FHL2: variants seen among roughly 807,000 people sequenced by gnomAD.
The protein encoded by FHL2 is four and a half LIM domains protein 2.
A neutral mutation model predicts 32.7 loss-of-function variants in FHL2; 20 were observed. That is an observed-to-expected ratio of 0.61 (90% CI 0.43 to 0.89). FHL2 has a LOEUF of 0.89. FHL2 is among the 40% of genes least tolerant of loss of function. The probability of loss-of-function intolerance (pLI) is 0.00; values close to 1 mark genes in which losing one functional copy is unlikely to be tolerated. For missense variants in FHL2, 311 were observed against 358.6 expected (o/e 0.87, Z 1.07); for synonymous variants, 123 against 128.1 (o/e 0.96, Z 0.27).
intron 3 of FHL2, among the ~76,000 whole-genome samples, chr2:105,378,994 A>G (rs1396163574): frequency 2.0e-5 from 3 of 152,130 alleles, no homozygotes; most frequent in Non-Finnish European, 4.4e-5. Context: ...CACAGTCCAC[A>G]TCTCTTGTAT....
chr2:105,427,657 C>T (rs1684306520), intron 1 of FHL2, among the ~76,000 whole-genome samples: 2 of 152,266 alleles, frequency 1.3e-5, no homozygotes, highest in South Asian at 4.1e-4. Flanking sequence ...TTCAGCATTT[C>T]TTGTCTTGCA....
At chr2:105,390,916 C>T (rs1005687253) in intron 2 of FHL2, among the ~76,000 whole-genome samples, 2 of 151,840 alleles carry the variant, frequency 1.3e-5, no homozygotes, top group African/African-American at 4.8e-5. Context: ...CCTGCCTCAG[C>T]CTCCTGGGTT....
intron 1 of FHL2, among the ~76,000 whole-genome samples, chr2:105,423,165 T>A (rs1684156824): frequency 6.6e-6 from 1 of 152,178 alleles, no homozygotes; most frequent in Non-Finnish European, 1.5e-5. Context: ...TAGTACAGAA[T>A]GGAGGCTGTC....
intron 1 of FHL2, among the ~76,000 whole-genome samples, chr2:105,405,208 T>C (rs947926668): frequency 6.6e-6 from 1 of 152,254 alleles, no homozygotes; most frequent in South Asian, 2.1e-4. Flanking sequence ...TCTGCCTGCC[T>C]TCTCTTAGAG....
chr2:105,399,900 G>A (rs1366913922), upstream of FHL2, among the ~76,000 whole-genome samples: 1 of 152,174 alleles, frequency 6.6e-6, no homozygotes, highest in East Asian at 1.9e-4. Flanking sequence ...TCGGCACTTT[G>A]GGGGCAGGTG....
Position 105,408,175 on chromosome 2 carries a change from C to G in FHL2, c.-24-21635G>C, listed in dbSNP as rs183106849. On this transcript the variant is annotated intron_variant, in intron 1 of 5. Transcript: ENST00000393352. ...ACAGTTGCAGTGTGCTTTTGCTAGG[C>G]AGCCGGCAGAGATGGCCCACATATG... Among the ~76,000 whole-genome samples the G allele has an allele frequency of 2.0e-4, 30 of 152,294 alleles. No individual in the cohort carries two copies. In the East Asian group the frequency reaches 5.2e-3, roughly 27 times the overall value.
chr2:105,413,298 C>T (rs1683848117), intron 1 of FHL2, among the ~76,000 whole-genome samples: 1 of 152,118 alleles, frequency 6.6e-6, no homozygotes, highest in African/African-American at 2.4e-5. Context: ...GAAAAATTTC[C>T]AAAATCAAGA....
chr2:105,398,747 C>G (rs919087085), intron 1 of FHL2, 95 bp downstream of exon 1: 1 of 1,085,882 alleles, frequency 9.2e-7, no homozygotes, highest in South Asian at 2.4e-5. Flanking sequence ...GGGTCTACCC[C>G]ACAGCTCAAC....
chr2:105,401,668 G>C (rs1435360890), upstream of FHL2, among the ~76,000 whole-genome samples: 1 of 152,140 alleles, frequency 6.6e-6, no homozygotes, highest in Admixed American at 6.6e-5. Flanking sequence ...GTTAAATACA[G>C]TATGGTGCAT....
At chr2:105,431,922 T>G (rs932441304) in intron 1 of FHL2, among the ~76,000 whole-genome samples, 3 of 152,186 alleles carry the variant, frequency 2.0e-5, no homozygotes, top group Non-Finnish European at 2.9e-5. Flanking sequence ...CCGGAGCTCA[T>G]CAGCAGCCAG....
chr2:105,395,600 A>G (rs71417352), intron 2 of FHL2, among the ~76,000 whole-genome samples: 22,814 of 152,168 alleles, frequency 0.15, 2,124 homozygotes, highest in South Asian at 0.22. Flanking sequence ...CTGTCCCGAG[A>G]GGCTTGCACA....
chr2:105,427,520 C>T (rs929200903), intron 1 of FHL2, among the ~76,000 whole-genome samples: 1 of 152,076 alleles, frequency 6.6e-6, no homozygotes, highest in Non-Finnish European at 1.5e-5. Context: ...AAGTGAGCTC[C>T]GGGGCTTGGG....
rs146730795 is a variant in FHL2 at position 105,370,698 on chromosome 2, A to C, written c.331+2861T>G. 4.5e-3 allele frequency among the ~76,000 whole-genome samples: 688 copies of C among 152,286 alleles called. 7 individuals are homozygous for C. Among genetic ancestry groups the C allele is most frequent in the African/African-American group, 0.016 (657 of 41,556 alleles). ...TGAATGGGTTCTAACACTTTTAAAA[A>C]TCAAACCCAGGCAAGCAAGTGCTTT... is the stretch of plus-strand genomic sequence containing the variant. On this transcript the variant is annotated intron_variant, in intron 4 of 6. Transcript: ENST00000530340.
chr2:105,431,912 C>T (rs763592587), intron 1 of FHL2, among the ~76,000 whole-genome samples: 1 of 152,200 alleles, frequency 6.6e-6, no homozygotes, highest in Non-Finnish European at 1.5e-5. Flanking sequence ...CAGGATCCTG[C>T]CGGAGCTCAT....
At chr2:105,414,477 C>A (rs993937960) in intron 1 of FHL2, among the ~76,000 whole-genome samples, 3 of 152,178 alleles carry the variant, frequency 2.0e-5, no homozygotes, top group South Asian at 2.1e-4. Context: ...GACCCGCCCC[C>A]CCTCCGCCGC....
intron 3 of FHL2, among the ~76,000 whole-genome samples, chr2:105,383,119 C>G (rs546797592): frequency 6.6e-6 from 1 of 152,338 alleles, no homozygotes; most frequent in South Asian, 2.1e-4. Flanking sequence ...CTCCTGGCCT[C>G]AAGTGTTCCA....
chr2:105,407,742 G>C (rs985571116), intron 1 of FHL2, among the ~76,000 whole-genome samples: 5 of 152,158 alleles, frequency 3.3e-5, no homozygotes, highest in Admixed American at 2.6e-4. Flanking sequence ...TTCTCTCTCA[G>C]AGTCCAGCTT....
chr2:105,396,582 A>G, intron 2 of FHL2, 65 bp downstream of exon 2: 1 of 1,417,134 alleles, frequency 7.1e-7, no homozygotes, highest in Non-Finnish European at 1.0e-6. Context: ...CATGAAAGTA[A>G]CCATCACAGT....
intron 1 of FHL2, among the ~76,000 whole-genome samples, chr2:105,425,833 C>A (rs938711619): frequency 3.3e-5 from 5 of 152,074 alleles, no homozygotes; most frequent in African/African-American, 7.2e-5. Flanking sequence ...ACGCTGCTCT[C>A]CTACTACATT....
Sources: allele counts gnomAD v4.1 joint callset (sites outside exome capture counted in the v4.1 genomes callset), GRCh38; gene constraint gnomAD v4.1.1; transcripts MANE v1.5; gene names NCBI Gene and HGNC (gene_info 2026-07-23, HGNC 2026-07-21).